The following TRIM36 variants were observed in gnomAD, a reference collection of about 807,000 sequenced individuals.
TRIM36 encodes the protein E3 ubiquitin-protein ligase TRIM36.
A neutral mutation model predicts 72.4 loss-of-function variants in TRIM36; 42 were observed. That is an observed-to-expected ratio of 0.58 (90% CI 0.45 to 0.75). TRIM36 has a LOEUF of 0.75. TRIM36 is among the 30% of genes least tolerant of loss of function. The pLI is 0.00. For synonymous variants in TRIM36, 315 were observed against 282.8 expected (o/e 1.11, Z -1.14); for missense variants, 913 against 857.1 (o/e 1.07, Z -0.81).
At position 115,137,441 on chromosome 5, in the gene TRIM36, A is replaced by G. The variant is rs913159718; in HGVS notation, c.1007T>C (p.Leu336Pro). The G allele has an allele frequency of 3.7e-6, 6 of 1,614,136 alleles. No individual in the cohort carries two copies. The highest frequency in any genetic ancestry group is 5.1e-6 in the Non-Finnish European group (6 of 1,180,014). The change falls in exon 6 of 10, where the codon CTT becomes CCT. Residue 336 changes from leucine (L) to proline (P), a missense_variant. Transcript: ENST00000513154. ...EYQGLLENNG[L>P]VGYAQEVLKE... ...TAGCACTTCTTGAGCATATCCCACAAGTCCATTGTTCTCTAGAAGTCCCTG... is the reference window on the plus strand; with the variant it reads ...TAGCACTTCTTGAGCATATCCCACAGGTCCATTGTTCTCTAGAAGTCCCTG...
At chr5:115,157,388 C>T (rs192201880) in intron 2 of TRIM36, among the ~76,000 whole-genome samples, 1 of 151,962 alleles carries the variant, frequency 6.6e-6, no homozygotes, top group East Asian at 1.9e-4. Flanking sequence ...CATGGTGAAA[C>T]CCCCGTCTCT....
At chr5:115,173,292 C>G (rs1755196765), upstream of TRIM36, among the ~76,000 whole-genome samples, 4 of 152,180 alleles carry the variant, frequency 2.6e-5, no homozygotes, top group Admixed American at 2.6e-4. Context: ...AGATTCTGTT[C>G]TTTCTCATCC....
intron 3 of TRIM36, among the ~76,000 whole-genome samples, chr5:115,145,791 A>G (rs964888845): frequency 6.6e-6 from 1 of 152,240 alleles, no homozygotes; most frequent in African/African-American, 2.4e-5. Context: ...CAACTGGAAA[A>G]GGTTTCAAGT....
intron 1 of TRIM36, among the ~76,000 whole-genome samples, chr5:115,165,962 C>A (rs1274408445): frequency 1.3e-5 from 2 of 152,128 alleles, no homozygotes; most frequent in Non-Finnish European, 2.9e-5. Flanking sequence ...GACACACCAG[C>A]CCCCTGCCAC....
chr5:115,159,729 A>C, intron 2 of TRIM36: 2 of 436,774 alleles, frequency 4.6e-6, no homozygotes, highest in Admixed American at 5.4e-5. Context: ...AAGATTCACA[A>C]CTTGTTAACA....
chr5:115,164,308 T>G (rs562736674), intron 1 of TRIM36, among the ~76,000 whole-genome samples: 1 of 152,354 alleles, frequency 6.6e-6, no homozygotes, highest in East Asian at 1.9e-4. Context: ...CCTGAGGTTC[T>G]CATGCTGTAT....
At chr5:115,154,201 G>C (rs753086433) in intron 2 of TRIM36, among the ~76,000 whole-genome samples, 2 of 146,292 alleles carry the variant, frequency 1.4e-5, no homozygotes, top group Non-Finnish European at 3.0e-5. Flanking sequence ...TAAGACGAAA[G>C]TTCACAGCCC....
At chr5:115,150,744 A>C (rs1474562563) in intron 2 of TRIM36, among the ~76,000 whole-genome samples, 1 of 152,182 alleles carries the variant, frequency 6.6e-6, no homozygotes, top group Non-Finnish European at 1.5e-5. Flanking sequence ...GGAAAGGGAG[A>C]TTGTCTGCCC....
chr5:115,179,291 C>G (rs903406338), intron 1 of TRIM36, among the ~76,000 whole-genome samples: 2 of 152,110 alleles, frequency 1.3e-5, no homozygotes, highest in Non-Finnish European at 2.9e-5. Flanking sequence ...TCGTCGCGGG[C>G]GCCACCGACG....
intron 8 of TRIM36, among the ~76,000 whole-genome samples, chr5:115,133,465 A>G (rs1468780174): frequency 6.6e-6 from 1 of 152,218 alleles, no homozygotes; most frequent in Non-Finnish European, 1.5e-5. Flanking sequence ...AATCAAAATT[A>G]TATTTTAGGA....
chr5:115,169,723 C>T lies in TRIM36; in HGVS notation c.-89G>A. ...TCTGGTGGGCGGGTCCCTGCGGCGG[C>T]CGTGGAGCCTCGGTCCGAAGCTGGA... On this transcript the variant is annotated 5_prime_UTR_variant, in exon 1 of 10. Transcript: ENST00000513154. 3.4e-6 allele frequency: 5 copies of T among 1,481,224 alleles called. No homozygotes were observed. The highest frequency in any genetic ancestry group is 3.6e-6 in the Non-Finnish European group (4 of 1,112,876). 91.8% of individuals were successfully genotyped at this position (1,481,224 alleles called of 1,614,324 possible).
At position 115,163,532 on chromosome 5, in the gene TRIM36, C is replaced by A. The variant is rs777193295; in HGVS notation, c.248G>T (p.Arg83Leu). ...LPSPSMDKID[R>L]INRPGWKRNS... ...CTAACACATACCTGGTCTGTTAATT[C>A]GGTCAATTTTATCCATACTAGGGGA... The change falls in exon 2 of 10, where the codon CGA (arginine) becomes CTA (leucine). Residue 83 changes from arginine to leucine, a missense_variant. Transcript: ENST00000513154. 3.1e-6 allele frequency: 5 copies of A among 1,614,080 alleles called. No individual in the cohort carries two copies. The highest frequency in any genetic ancestry group is 3.4e-6 in the Non-Finnish European group (4 of 1,179,970).
intron 9 of TRIM36, among the ~76,000 whole-genome samples, chr5:115,129,847 T>A (rs1187868424): frequency 3.9e-5 from 6 of 152,200 alleles, no homozygotes; most frequent in African/African-American, 1.4e-4. Context: ...ATATTTTGGA[T>A]AATACTGCAT....
At chr5:115,134,732 G>A (rs957934717) in intron 7 of TRIM36, among the ~76,000 whole-genome samples, 2 of 152,050 alleles carry the variant, frequency 1.3e-5, no homozygotes, top group African/African-American at 2.4e-5. Flanking sequence ...AGTAGAAACA[G>A]GGTTTCACCG....
At chr5:115,173,543 T>TGTGTGTGCGC (rs367927273), upstream of TRIM36, among the ~76,000 whole-genome samples, 1 of 151,832 alleles carries the variant, frequency 6.6e-6, no homozygotes, top group African/African-American at 2.4e-5. Flanking sequence ...TGTGTGTGTG[T>TGTGTGTGCGC]GCGCGCACGC....
upstream of TRIM36, among the ~76,000 whole-genome samples, chr5:115,172,602 G>A (rs1755164871): frequency 6.6e-6 from 1 of 152,130 alleles, no homozygotes; most frequent in Non-Finnish European, 1.5e-5. Flanking sequence ...CTGGCGTGGT[G>A]GCACACGCCT....
chr5:115,149,569 G>GGAAA (rs1554063541), intron 2 of TRIM36: 2 of 19,264 alleles, frequency 1.0e-4, no homozygotes, highest in Non-Finnish European at 1.8e-4. Context: ...TCAGAAATTT[G>GGAAA]AAAAAAAAAA....
At chr5:115,162,807 A>C (rs1372017089) in intron 2 of TRIM36, among the ~76,000 whole-genome samples, 1 of 152,130 alleles carries the variant, frequency 6.6e-6, no homozygotes, top group Non-Finnish European at 1.5e-5. Context: ...AAAGGTGATG[A>C]CTAGCCATTA....
intron 2 of TRIM36, among the ~76,000 whole-genome samples, chr5:115,152,048 T>C (rs1753921401): frequency 6.6e-6 from 1 of 151,606 alleles, no homozygotes; most frequent in Non-Finnish European, 1.5e-5. Flanking sequence ...TGAAAAAGAA[T>C]CCAGAAGGTT....
Sources: gnomAD v4.1 joint callset for allele counts (sites outside exome capture counted in the v4.1 genomes callset) on GRCh38, gnomAD v4.1.1 for gene constraint, MANE v1.5 for transcripts, NCBI Gene and HGNC (gene_info 2026-07-23, HGNC 2026-07-21) for gene names.